FBXO42: variants seen among roughly 807,000 people sequenced by gnomAD.
The protein encoded by FBXO42 is F-box only protein 42.
In FBXO42, 12 loss-of-function variants were observed where a neutral mutation model predicts 71.7. The observed-to-expected ratio is 0.17, with a 90% CI of 0.11 to 0.27. FBXO42 has a LOEUF of 0.27. FBXO42 is among the 10% of genes least tolerant of loss of function. The pLI is 1.00. For missense variants in FBXO42, 707 were observed against 911.9 expected (o/e 0.78, Z 2.89); for synonymous variants, 325 against 327.5 (o/e 0.99, Z 0.08).
intron 1 of FBXO42, among the ~76,000 whole-genome samples, chr1:16,327,244 T>C (rs564810196): frequency 6.6e-6 from 1 of 152,296 alleles, no homozygotes; most frequent in South Asian, 2.1e-4. Context: ...TTGAAAGACT[T>C]CACTGAACCG....
chr1:16,320,218 G>A lies in FBXO42; in HGVS notation c.-17-4783C>T, dbSNP rs187161087. On this transcript the variant is annotated intron_variant, in intron 1 of 9. Coordinates refer to ENST00000375592, the MANE Select transcript of FBXO42 (RefSeq NM_018994.3). ...CTACTAAAAATACAAAAAACTAGCT[G>A]GGCGTGGTGGCACATGCCTGTAATC... Among the ~76,000 whole-genome samples the A allele has an allele frequency of 2.5e-3, 383 of 151,848 alleles. 9 individuals are homozygous for A. The highest frequency in any genetic ancestry group is 0.02 in the Admixed American group (298 of 15,206).
intron 4 of FBXO42, among the ~76,000 whole-genome samples, chr1:16,272,154 C>CAAA (rs999974704): frequency 1.8e-4 from 8 of 44,630 alleles, no homozygotes; most frequent in East Asian, 7.1e-4. Context: ...GACTCCGTCC[C>CAAA]AAAAAAAAAA....
chr1:16,284,849 T>C (rs1360015381), intron 4 of FBXO42, among the ~76,000 whole-genome samples: 1 of 152,138 alleles, frequency 6.6e-6, no homozygotes, highest in African/African-American at 2.4e-5. Flanking sequence ...ATGCCTGTAA[T>C]CCCAGCTACT....
chr1:16,315,383 G>T lies in FBXO42; in HGVS notation c.36C>A (p.Phe12Leu). Residue 12 changes from phenylalanine to leucine, a missense_variant, in exon 2 of 10, where the codon TTC becomes TTA. Phe to Leu is a conservative substitution (Grantham distance 22, BLOSUM62 0). Around this residue, in one of 5 missense-constraint regions of FBXO42, gnomAD observed 188 missense variants for 230.5 expected, o/e 0.82. Coordinates refer to ENST00000375592, the MANE Select transcript of FBXO42 (RefSeq NM_018994.3). ...ASSSDSEDDSFMAVDQEETVL... is the reference protein window; with the variant it reads ...ASSSDSEDDSLMAVDQEETVL... ...CAGTTTCTTCCTGGTCCACAGCCAT[G>T]AAACTGTCATCTTCACTGTCCGAGG... 5 of 1,614,150 alleles carry T rather than the reference G, an allele frequency of 3.1e-6. No individual in the cohort carries two copies. The highest frequency in any genetic ancestry group is 4.2e-6 in the Non-Finnish European group (5 of 1,180,040).
At chr1:16,272,832 A>T (rs989017225) in intron 4 of FBXO42, among the ~76,000 whole-genome samples, 8 of 152,196 alleles carry the variant, frequency 5.3e-5, no homozygotes, top group Non-Finnish European at 1.2e-4. Context: ...CTAGCATTTG[A>T]TGAATTCTTA....
chr1:16,288,732 C>T (rs1011922424), intron 4 of FBXO42, among the ~76,000 whole-genome samples: 11 of 150,920 alleles, frequency 7.3e-5, no homozygotes, highest in African/African-American at 2.7e-4. Context: ...CCAAGGTGGG[C>T]GGATCACTTG....
At chr1:16,260,073 C>T (rs777645121) in intron 4 of FBXO42, among the ~76,000 whole-genome samples, 3 of 152,034 alleles carry the variant, frequency 2.0e-5, no homozygotes, top group Non-Finnish European at 2.9e-5. Context: ...TTGGGGATTA[C>T]GGGAAAGTAG....
intron 3 of FBXO42, among the ~76,000 whole-genome samples, chr1:16,298,822 C>T (rs2082158793): frequency 6.6e-6 from 1 of 151,812 alleles, no homozygotes; most frequent in African/African-American, 2.4e-5. Flanking sequence ...TGTCCTATGA[C>T]TTCTGAAACC....
At chr1:16,309,586 CA>C (rs2082290844) in intron 2 of FBXO42, among the ~76,000 whole-genome samples, 1 of 151,996 alleles carries the variant, frequency 6.6e-6, no homozygotes, top group Non-Finnish European at 1.5e-5. Flanking sequence ...TACACAGTAC[CA>C]AAGGCATGAT....
intron 1 of FBXO42, among the ~76,000 whole-genome samples, chr1:16,318,285 G>C (rs1050460111): frequency 4.6e-5 from 7 of 152,092 alleles, no homozygotes; most frequent in African/African-American, 1.7e-4. Flanking sequence ...GGGTGTGGTG[G>C]CACACACCTG....
chr1:16,313,632 T>C (rs2082337405), intron 2 of FBXO42, among the ~76,000 whole-genome samples: 1 of 152,200 alleles, frequency 6.6e-6, no homozygotes, highest in Admixed American at 6.5e-5. Flanking sequence ...TACAGCTGGT[T>C]CTTAGCCCTC....
intron 4 of FBXO42, among the ~76,000 whole-genome samples, chr1:16,277,256 G>A (rs2081913591): frequency 6.6e-6 from 1 of 152,152 alleles, no homozygotes; most frequent in Non-Finnish European, 1.5e-5. Flanking sequence ...ATTGCCACAA[G>A]ATTTGGCATT....
At chr1:16,306,082 G>A (rs1376270102) in intron 2 of FBXO42, among the ~76,000 whole-genome samples, 163 bp from the exon 3 acceptor site, 2 of 151,846 alleles carry the variant, frequency 1.3e-5, no homozygotes, top group East Asian at 1.9e-4. Flanking sequence ...GAGTGCAGTG[G>A]CACGATCTCG....
intron 4 of FBXO42, chr1:16,292,843 C>G (rs2082093343): frequency 6.6e-6 from 1 of 152,110 alleles, no homozygotes; most frequent in Non-Finnish European, 1.5e-5. Flanking sequence ...GTACAAGATC[C>G]CAAGCATGGT....
Position 16,252,364 on chromosome 1 carries a change from G to A in FBXO42, c.962C>T (p.Pro321Leu), listed in dbSNP as rs1374999245. Residue 321 changes from proline to leucine, a missense_variant, in exon 9 of 10, where the codon CCT (proline) becomes CTT (leucine). Physicochemically the swap from Pro to Leu is moderately conservative, Grantham distance 98 (BLOSUM62 -3). Coordinates refer to ENST00000375592, the MANE Select transcript of FBXO42 (RefSeq NM_018994.3). The surrounding 1 kb of genome is among the most constrained non-coding windows in gnomAD (Gnocchi z 4.4). ...DAWLLHMHSG[P>L]WAWQPLKVEN... ...TACCTTGAGTGGCTGCCAGGCCCAAGGACCAGAATGCATGTGCAACAACCA... is the reference window on the plus strand; with the variant it reads ...TACCTTGAGTGGCTGCCAGGCCCAAAGACCAGAATGCATGTGCAACAACCA... 1 of 1,614,000 alleles carries A rather than the reference G, an allele frequency of 6.2e-7. No individual in the cohort carries two copies. The highest frequency in any genetic ancestry group is 1.3e-5 in the African/African-American group (1 of 74,894).
At chr1:16,288,652 A>T (rs2082046645) in intron 4 of FBXO42, among the ~76,000 whole-genome samples, 1 of 151,730 alleles carries the variant, frequency 6.6e-6, no homozygotes, top group Non-Finnish European at 1.5e-5. Flanking sequence ...TCATGCTCCT[A>T]AATCTAATTC....
At chr1:16,290,392 C>T (rs897956307) in intron 4 of FBXO42, among the ~76,000 whole-genome samples, 2 of 151,992 alleles carry the variant, frequency 1.3e-5, no homozygotes, top group African/African-American at 2.4e-5. Context: ...GATGAATCCC[C>T]TTATAAGAAG....
intron 1 of FBXO42, among the ~76,000 whole-genome samples, chr1:16,330,358 C>CA (rs36055269): frequency 0.33 from 50,635 of 151,270 alleles, 8,946 homozygotes; most frequent in African/African-American, 0.4. Context: ...CCTGTTTCCA[C>CA]AAAAAAAATT....
chr1:16,278,620 G>C (rs1014443569), intron 4 of FBXO42, among the ~76,000 whole-genome samples: 1 of 152,130 alleles, frequency 6.6e-6, no homozygotes, highest in African/African-American at 2.4e-5. Flanking sequence ...GCTCAGGGAA[G>C]ATAACCTAAG....
Sources: allele counts gnomAD v4.1 joint callset (sites outside exome capture counted in the v4.1 genomes callset), GRCh38; gene constraint gnomAD v4.1.1; regional missense constraint gnomAD v4.1.1; non-coding constraint Gnocchi (gnomAD v3.1); transcripts MANE v1.5; gene names NCBI Gene and HGNC (gene_info 2026-07-23, HGNC 2026-07-21).